The following VOPP1 variants were observed in gnomAD, a reference collection of about 807,000 sequenced individuals.
VOPP1 encodes WW domain binding protein VOPP1.
A neutral mutation model predicts 23.5 loss-of-function variants in VOPP1; 8 were observed. The observed-to-expected ratio is 0.34, with a 90% CI of 0.20 to 0.61. VOPP1 has a LOEUF of 0.61. VOPP1 is among the 20% of genes least tolerant of loss of function. VOPP1 has a pLI of 0.78. For synonymous variants in VOPP1, 83 were observed against 97.3 expected, an observed-to-expected ratio of 0.85 and a Z score of 0.86; for missense variants, 174 against 238.1, an observed-to-expected ratio of 0.73 and a Z score of 1.77.
chr7:55,455,263 T>G (rs1434255201), intron 4 of VOPP1, among the ~76,000 whole-genome samples: 1 of 151,936 alleles, frequency 6.6e-6, no homozygotes, highest in Non-Finnish European at 1.5e-5. Context: ...AAGTGAAGGA[T>G]CTCTTCAAGG....
At chr7:55,448,135 A>C (rs1791147330) in intron 4 of VOPP1, among the ~76,000 whole-genome samples, 1 of 152,222 alleles carries the variant, frequency 6.6e-6, no homozygotes, top group African/African-American at 2.4e-5. Context: ...AAATATGTAC[A>C]TATACTTGGA....
Position 55,532,654 on chromosome 7 carries a change from C to G in VOPP1, c.55-11524G>C, listed in dbSNP as rs6970300. On this transcript the variant is annotated intron_variant, in intron 1 of 4. Transcript: ENST00000285279. ...CAACCACCAGCTTGGAAATGATACCCTGGTGTGGAAAAATACAGCTCAAAG... is the reference window on the plus strand; with the variant it reads ...CAACCACCAGCTTGGAAATGATACCGTGGTGTGGAAAAATACAGCTCAAAG... 9.0e-3 allele frequency among the ~76,000 whole-genome samples: 1,224 copies of G among 136,712 alleles called. 17 individuals carry two copies. Among genetic ancestry groups the G allele is most frequent in the African/African-American group, 0.033 (1,171 of 35,500 alleles). 89.7% of individuals were successfully genotyped at this position (136,712 alleles called of 152,430 possible).
chr7:55,537,493 G>A, intron 1 of VOPP1: 1 of 1,536,136 alleles, frequency 6.5e-7, no homozygotes, highest in South Asian at 1.2e-5. Flanking sequence ...CACCAGCCGA[G>A]CAAGCACCTG....
At chr7:55,569,638 G>A (rs532097147) in intron 1 of VOPP1, among the ~76,000 whole-genome samples, 1 of 152,178 alleles carries the variant, frequency 6.6e-6, no homozygotes, top group Non-Finnish European at 1.5e-5. Flanking sequence ...GAGATAACGT[G>A]TAACATTTAT....
intron 1 of VOPP1, among the ~76,000 whole-genome samples, chr7:55,546,262 G>A (rs1797363302): frequency 1.3e-5 from 2 of 152,204 alleles, no homozygotes; most frequent in Non-Finnish European, 2.9e-5. Flanking sequence ...GGGAGATGTA[G>A]ACAGGATCTG....
At chr7:55,456,644 T>G (rs1791374143) in intron 4 of VOPP1, among the ~76,000 whole-genome samples, 1 of 152,326 alleles carries the variant, frequency 6.6e-6, no homozygotes, top group Non-Finnish European at 1.5e-5. Context: ...TTCATGTCCT[T>G]TGCAGGCACT....
chr7:55,571,826 C>G (rs1014106345), intron 1 of VOPP1: 1 of 157,586 alleles, frequency 6.3e-6, no homozygotes, highest in Non-Finnish European at 1.4e-5. Context: ...CCCCTCACCC[C>G]GGCTCGGCAC....
chr7:55,443,175 C>T (rs1791009881), intron 4 of VOPP1, among the ~76,000 whole-genome samples: 2 of 152,164 alleles, frequency 1.3e-5, no homozygotes, highest in African/African-American at 4.8e-5. Context: ...TAAAAATGGA[C>T]AAAGACGGAA....
chr7:55,504,271 C>A (rs1794562191), intron 2 of VOPP1, among the ~76,000 whole-genome samples: 1 of 152,240 alleles, frequency 6.6e-6, no homozygotes, highest in South Asian at 2.1e-4. Flanking sequence ...CTCCACAGAG[C>A]TGAGCCCGCA....
intron 4 of VOPP1, among the ~76,000 whole-genome samples, chr7:55,459,735 TTTTA>T (rs559444626): frequency 2.0e-5 from 3 of 150,430 alleles, no homozygotes; most frequent in East Asian, 1.9e-4. Context: ...TCATTTCTGA[TTTTA>T]TTTGACTCTT....
intron 4 of VOPP1, among the ~76,000 whole-genome samples, chr7:55,464,047 C>T (rs961603935): frequency 1.3e-5 from 2 of 152,162 alleles, no homozygotes; most frequent in Non-Finnish European, 2.9e-5. Context: ...CTATCCTCAG[C>T]TCTCTCAAGG....
At chr7:55,453,542 G>T (rs1202764148) in intron 4 of VOPP1, among the ~76,000 whole-genome samples, 2 of 152,180 alleles carry the variant, frequency 1.3e-5, no homozygotes, top group Non-Finnish European at 2.9e-5. Flanking sequence ...AAGAGAGTGG[G>T]AAAGAGATGA....
At chr7:55,542,488 A>G (rs1292347282) in intron 1 of VOPP1, among the ~76,000 whole-genome samples, 2 of 152,096 alleles carry the variant, frequency 1.3e-5, no homozygotes, top group Non-Finnish European at 2.9e-5. Context: ...TTTAGCTTCC[A>G]CATATGATTA....
chr7:55,488,754 C>T (rs1242620905), intron 4 of VOPP1, among the ~76,000 whole-genome samples: 2 of 152,208 alleles, frequency 1.3e-5, no homozygotes, highest in East Asian at 1.9e-4. Context: ...AGGCATCCCA[C>T]GCCTGAACCC....
chr7:55,476,424 C>T (rs1382556668), intron 4 of VOPP1, among the ~76,000 whole-genome samples: 5 of 37,504 alleles, frequency 1.3e-4, no homozygotes, highest in Admixed American at 3.5e-4. Context: ...TGGCCAGTGG[C>T]GTGTCGGGGG....
intron 4 of VOPP1, among the ~76,000 whole-genome samples, chr7:55,448,599 C>T (rs904995383): frequency 2.7e-5 from 4 of 148,470 alleles, no homozygotes; most frequent in East Asian, 1.9e-4. Flanking sequence ...ACTCAGGCTC[C>T]GTCATCTTGC....
intron 4 of VOPP1, among the ~76,000 whole-genome samples, chr7:55,482,662 CAT>C (rs572768069): frequency 6.4e-4 from 98 of 151,990 alleles, no homozygotes; most frequent in African/African-American, 2.2e-3. Flanking sequence ...GAGTTAAAAA[CAT>C]GTGGGTATTA....
chr7:55,552,730 G>A (rs760929937), intron 1 of VOPP1: 185 of 1,534,722 alleles, frequency 1.2e-4, no homozygotes, highest in Non-Finnish European at 1.5e-4. Flanking sequence ...GAGTCTGGTC[G>A]CCAGGTTGCC....
intron 1 of VOPP1, among the ~76,000 whole-genome samples, chr7:55,538,380 C>T (rs1796933366): frequency 6.6e-6 from 1 of 152,160 alleles, no homozygotes; most frequent in Admixed American, 6.5e-5. Flanking sequence ...AGAATATATC[C>T]AACATCTTAT....
Sources: gnomAD v4.1 joint callset for allele counts (sites outside exome capture counted in the v4.1 genomes callset) on GRCh38, gnomAD v4.1.1 for gene constraint, MANE v1.5 for transcripts, NCBI Gene and HGNC (gene_info 2026-07-23, HGNC 2026-07-21) for gene names.